The following CACNA1C variants were observed in gnomAD, a reference collection of about 807,000 sequenced individuals.
CACNA1C encodes the protein calcium voltage-gated channel subunit alpha1 C.
A neutral mutation model predicts 229.0 loss-of-function variants in CACNA1C; 30 were observed. The ratio of observed to expected loss-of-function variants is 0.13; its 90% CI spans 0.10 to 0.18. CACNA1C has a LOEUF of 0.18. Among genes scored for constraint, CACNA1C ranks in the 10% least tolerant of loss-of-function variants. The pLI is 1.00. For synonymous variants in CACNA1C, 1,114 were observed against 1,132.5 expected, an observed-to-expected ratio of 0.98 and a Z score of 0.33; for missense variants, 1,658 against 2,845.0, an observed-to-expected ratio of 0.58 and a Z score of 9.49.
intron 1 of CACNA1C, among the ~76,000 whole-genome samples, chr12:2,109,406 G>T (rs1272365136): frequency 6.6e-6 from 1 of 152,210 alleles, no homozygotes; most frequent in Non-Finnish European, 1.5e-5. Flanking sequence ...CTAGCAAAGG[G>T]CAGAGGGAAG....
rs1334994973 is a variant in CACNA1C at position 2,692,093 on chromosome 12, T to G, written c.*894T>G. On this transcript the variant is annotated 3_prime_UTR_variant, in exon 47 of 47. Coordinates refer to ENST00000399655, the MANE Select transcript of CACNA1C (RefSeq NM_000719.7). The stretch of plus-strand genomic sequence containing the variant: ...ATCGGGTTTGGTTTTCTTGTATTAT[T>G]TAAACGGTTGTGGTTTCCTTTTTCC... 6.6e-6 allele frequency: 1 copy of G among 152,242 alleles called. No individual in the cohort carries two copies. Among genetic ancestry groups the G allele is most frequent in the African/African-American group, 2.4e-5 (1 of 41,458 alleles). 9.4% of individuals were successfully genotyped at this position (152,242 alleles called of 1,614,324 possible).
intron 3 of CACNA1C, among the ~76,000 whole-genome samples, chr12:2,340,357 A>C (rs2096827060): frequency 6.6e-6 from 1 of 152,268 alleles, no homozygotes; most frequent in Non-Finnish European, 1.5e-5. Flanking sequence ...GCAGCAGAAT[A>C]TGAAAGTTTC....
At chr12:2,386,566 A>G (rs776903801) in intron 3 of CACNA1C, among the ~76,000 whole-genome samples, 1 of 152,172 alleles carries the variant, frequency 6.6e-6, no homozygotes, top group African/African-American at 2.4e-5. Flanking sequence ...GCACCTGTTC[A>G]TCTTCCAAAA....
chr12:2,246,404 G>A (rs531014894), intron 3 of CACNA1C, among the ~76,000 whole-genome samples: 5 of 152,230 alleles, frequency 3.3e-5, no homozygotes, highest in South Asian at 2.1e-4. Flanking sequence ...GGTGGCTCCC[G>A]GAGTGAACAG....
chr12:2,176,318 G>A (rs2096642990), intron 3 of CACNA1C, among the ~76,000 whole-genome samples: 1 of 152,094 alleles, frequency 6.6e-6, no homozygotes, highest in African/African-American at 2.4e-5. Context: ...TAGAGAGGTG[G>A]TTGCAGGGGC....
At chr12:2,202,857 C>T (rs1003840181) in intron 3 of CACNA1C, among the ~76,000 whole-genome samples, 1 of 152,126 alleles carries the variant, frequency 6.6e-6, no homozygotes, top group African/African-American at 2.4e-5. Context: ...GCTTCAAGCC[C>T]CGGAGATGAA....
At chr12:2,183,524 G>A (rs10774030) in intron 3 of CACNA1C, among the ~76,000 whole-genome samples, 51,250 of 152,164 alleles carry the variant, frequency 0.34, 9,143 homozygotes, top group South Asian at 0.44. Flanking sequence ...GTTTGAAGAC[G>A]TGCTAACAAT....
At position 2,422,969 on chromosome 12, in the gene CACNA1C, G is replaced by C. The variant is rs147922246; in HGVS notation, c.478-26007G>C. Among the ~76,000 whole-genome samples, 116 of 152,294 alleles carry C rather than the reference G, an allele frequency of 7.6e-4. 1 individual carries two copies. The East Asian group carries it at 0.02, about 27-fold the overall frequency. ...GGATCGTTTCCCTTCTCTGATGTTGGACCAAGATACCTGAAGTTTTCTTTC... is the reference window on the plus strand; with the variant it reads ...GGATCGTTTCCCTTCTCTGATGTTGCACCAAGATACCTGAAGTTTTCTTTC... On this transcript the variant is annotated intron_variant, in intron 3 of 46. Transcript: ENST00000399655.
At chr12:2,195,852 C>A (rs916815794) in intron 3 of CACNA1C, among the ~76,000 whole-genome samples, 1 of 152,202 alleles carries the variant, frequency 6.6e-6, no homozygotes, top group African/African-American at 2.4e-5. Flanking sequence ...ACCACAGTGA[C>A]CACTTAGTCC....
chr12:2,602,319 C>A lies in CACNA1C; in HGVS notation c.2960+359C>A, dbSNP rs2072836986. On this transcript the variant is annotated intron_variant, in intron 22 of 46. Coordinates refer to ENST00000399655, the MANE Select transcript of CACNA1C (RefSeq NM_000719.7). This position sits in a 1 kb window ranked among gnomAD's most constrained non-coding sequence, Gnocchi z 4.4. ...ACCCACAGTCTGCCACTGCCGTGAC[C>A]TCCCCTGACCTGGACCCTCCTTCTC... 6.6e-6 allele frequency among the ~76,000 whole-genome samples: 1 copy of A among 152,206 alleles called. No homozygotes were observed. The highest frequency in any genetic ancestry group is 1.5e-5 in the Non-Finnish European group (1 of 68,040).
chr12:2,131,815 A>C (rs2092288500), intron 3 of CACNA1C, among the ~76,000 whole-genome samples: 1 of 149,184 alleles, frequency 6.7e-6, no homozygotes, highest in East Asian at 2.0e-4. Context: ...TATGAAGTTT[A>C]AAGTAGTTTT....
chr12:2,529,233 T>C (rs1474051445), intron 9 of CACNA1C, among the ~76,000 whole-genome samples: 6 of 152,198 alleles, frequency 3.9e-5, no homozygotes, highest in Non-Finnish European at 7.4e-5. Flanking sequence ...TTTTCTGCCT[T>C]TTCTATCCTC....
chr12:2,125,819 G>A (rs12227714), intron 3 of CACNA1C, among the ~76,000 whole-genome samples: 6,269 of 152,230 alleles, frequency 0.041, 307 homozygotes, highest in African/African-American at 0.11. Flanking sequence ...TCTACCCACA[G>A]GTTCCCTTTA....
intron 1 of CACNA1C, among the ~76,000 whole-genome samples, chr12:2,078,857 T>C (rs2064270879): frequency 6.6e-6 from 1 of 151,916 alleles, no homozygotes; most frequent in Admixed American, 6.6e-5. Flanking sequence ...CTATTCACAA[T>C]AGCAAAGACT....
intron 15 of CACNA1C, 127 bp downstream of exon 15, chr12:2,583,069 C>T (rs1601030244): frequency 3.1e-6 from 2 of 652,178 alleles, no homozygotes; most frequent in Non-Finnish European, 5.3e-6. Flanking sequence ...CCTAGAACCC[C>T]ATGGCGGCGG....
In CACNA1C at chr12:2,029,951, A is replaced by G. The variant is rs989183514; in HGVS notation, c.139+58750A>G. ...AAGGGCTGGGCGATTTGGCCCCACC[A>G]TGATACCTGGGTGTTGCACAGAGCC... On this transcript the variant is annotated intron_variant, in intron 1 of 46. Coordinates refer to the CACNA1C transcript ENST00000682462. The surrounding 1 kb of genome is among the most constrained non-coding windows in gnomAD (Gnocchi z 4.9). Among the ~76,000 whole-genome samples the G allele has an allele frequency of 7.9e-5, 12 of 152,330 alleles. No homozygotes were observed. Among genetic ancestry groups the G allele is most frequent in the Non-Finnish European group, 1.5e-4 (10 of 68,038 alleles).
intron 3 of CACNA1C, among the ~76,000 whole-genome samples, chr12:2,442,170 T>C (rs1016233777): frequency 2.6e-5 from 4 of 152,286 alleles, no homozygotes; most frequent in African/African-American, 9.6e-5. Flanking sequence ...TCAAGAAGCT[T>C]ATAATGTAGT....
At chr12:2,323,400 C>A (rs2096119211) in intron 3 of CACNA1C, among the ~76,000 whole-genome samples, 1 of 152,156 alleles carries the variant, frequency 6.6e-6, no homozygotes, top group Non-Finnish European at 1.5e-5. Flanking sequence ...TGCACCTTGG[C>A]AAAGACCAAG....
intron 1 of CACNA1C, among the ~76,000 whole-genome samples, chr12:1,980,764 CG>C (rs2035901786): frequency 6.6e-6 from 1 of 151,550 alleles, no homozygotes; most frequent in African/African-American, 2.4e-5. Flanking sequence ...GATAAAACAT[CG>C]ATAGCATAAG....
Sources: allele counts gnomAD v4.1 joint callset (sites outside exome capture counted in the v4.1 genomes callset), GRCh38; gene constraint gnomAD v4.1.1; non-coding constraint Gnocchi (gnomAD v3.1); transcripts MANE v1.5; gene names NCBI Gene and HGNC (gene_info 2026-07-23, HGNC 2026-07-21).